Variants in HGD observed in about 807,000 individuals in gnomAD.
HGD encodes the protein homogentisate 1,2-dioxygenase, also known as homogentisate oxidase.
HGD carries 61 observed loss-of-function variants against 60.8 expected under a neutral mutation model. The observed-to-expected ratio is 1.00, with a 90% CI of 0.82 to 1.24. The LOEUF (loss-of-function observed/expected upper bound fraction) is 1.24, where lower values mean the gene tolerates loss of function less well. Ranked by LOEUF, HGD falls within the 50% of genes most tolerant of loss-of-function variation. HGD has a pLI of 0.00. For synonymous variants in HGD, 212 were observed against 187.7 expected, an observed-to-expected ratio of 1.13 and a Z score of -1.06; for missense variants, 542 against 547.1, an observed-to-expected ratio of 0.99 and a Z score of 0.09.
In HGD at chr3:120,681,776, G is replaced by T. The variant is rs138487556; in HGVS notation, c.15+321C>A. ...GCAATGGGAAGGTGTCAGAGCAGGGGTTGGGAAAAAGACATAGAGAGAAAC... is the reference window on the plus strand; with the variant it reads ...GCAATGGGAAGGTGTCAGAGCAGGGTTTGGGAAAAAGACATAGAGAGAAAC... On this transcript the variant is annotated intron_variant, in intron 1 of 13. Coordinates refer to ENST00000283871, the MANE Select transcript of HGD (RefSeq NM_000187.4). Among the ~76,000 whole-genome samples, 7 of 152,316 alleles carry T rather than the reference G, an allele frequency of 4.6e-5. No homozygotes were observed. In the East Asian group the frequency reaches 1.4e-3, roughly 29 times the overall value.
chr3:120,628,607 G>T, intron 13 of HGD, 78 bp from the exon 14 acceptor site: 3 of 1,461,724 alleles, frequency 2.1e-6, no homozygotes, highest in Admixed American at 3.4e-5. Context: ...GTCAACAGAA[G>T]GTATGGGTAG....
intron 1 of HGD, 24 bp downstream of exon 1, chr3:120,682,073 C>G (rs759567680): frequency 1.2e-6 from 2 of 1,613,226 alleles, no homozygotes; most frequent in East Asian, 2.2e-5. Flanking sequence ...GAAGCCATAG[C>G]AAACTTGTCA....
At position 120,650,805 on chromosome 3, in the gene HGD, T is replaced by C; in HGVS notation, c.403A>G (p.Ile135Val). ...IKSNNGLAIH[I>V]FLCNTSMENR... The stretch of plus-strand genomic sequence containing the variant: ...TCCATGGAGGTATTGCAGAGGAAAA[T>C]GTGGATAGCAAGCCCATTGTTAGAC... Residue 135 changes from isoleucine (I) to valine (V), a missense_variant, in exon 6 of 14, where the codon ATT becomes GTT. Physicochemically the swap from Ile to Val is conservative, Grantham distance 29. Transcript: ENST00000283871. The C allele has an allele frequency of 8.7e-6, 14 of 1,614,056 alleles. No individual in the cohort carries two copies. The highest frequency in any genetic ancestry group is 1.1e-5 in the Non-Finnish European group (13 of 1,179,932).
intron 4 of HGD, among the ~76,000 whole-genome samples, chr3:120,666,548 T>C (rs1204421573): frequency 6.6e-6 from 1 of 152,128 alleles, no homozygotes; most frequent in Non-Finnish European, 1.5e-5. Flanking sequence ...AATGGTGCAA[T>C]CTTGGCTCAC....
Position 120,628,274 on chromosome 3 carries a change from G to C in HGD, c.*106C>G. On this transcript the variant is annotated 3_prime_UTR_variant, in exon 14 of 14. Transcript: ENST00000283871. ...TCTGAGTTACTTGACTATGAAAAGTGAATTTTCATTTTAACCAACCCCCTC... is the reference window on the plus strand; with the variant it reads ...TCTGAGTTACTTGACTATGAAAAGTCAATTTTCATTTTAACCAACCCCCTC... 7.7e-7 allele frequency: 1 copy of C among 1,298,350 alleles called. No homozygotes were observed. Among genetic ancestry groups the C allele is most frequent in the Non-Finnish European group, 1.1e-6 (1 of 899,758 alleles). 80.4% of individuals were successfully genotyped at this position (1,298,350 alleles called of 1,614,324 possible).
chr3:120,659,944 G>C (rs143634896), intron 4 of HGD, among the ~76,000 whole-genome samples: 5 of 151,474 alleles, frequency 3.3e-5, no homozygotes, highest in Non-Finnish European at 4.4e-5. Flanking sequence ...AAGAGAGAGT[G>C]GGGGGTGGTT....
chr3:120,648,004 A>C, intron 6 of HGD, 93 bp from the exon 7 acceptor site: 1 of 1,034,120 alleles, frequency 9.7e-7, no homozygotes, highest in Non-Finnish European at 1.5e-6. Flanking sequence ...GTGCCTATGT[A>C]GCAAGCTCAG....
At chr3:120,656,654 C>T (rs185259920) in intron 4 of HGD, among the ~76,000 whole-genome samples, 5 of 152,036 alleles carry the variant, frequency 3.3e-5, no homozygotes, top group South Asian at 2.1e-4. Flanking sequence ...TGGGTTCAAG[C>T]GATTCTACTG....
At chr3:120,668,386 T>C (rs1162337833) in intron 4 of HGD, among the ~76,000 whole-genome samples, 2 of 152,132 alleles carry the variant, frequency 1.3e-5, no homozygotes, top group African/African-American at 2.4e-5. Flanking sequence ...CAAAGGTGTC[T>C]ATAAATTATT....
intron 1 of HGD, among the ~76,000 whole-genome samples, chr3:120,680,205 C>T (rs1708207896): frequency 6.6e-6 from 1 of 152,010 alleles, no homozygotes. Flanking sequence ...TTTTCTTACC[C>T]CAGTTGTACT....
At chr3:120,675,579 C>T (rs2733827) in intron 2 of HGD, among the ~76,000 whole-genome samples, 69,828 of 151,944 alleles carry the variant, frequency 0.46, 16,965 homozygotes, top group African/African-American at 0.61. Context: ...CAGTTAATTT[C>T]ACTAGTTTGG....
intron 3 of HGD, among the ~76,000 whole-genome samples, chr3:120,673,555 T>A (rs1455660085): frequency 6.6e-6 from 1 of 152,190 alleles, no homozygotes; most frequent in Non-Finnish European, 1.5e-5. Flanking sequence ...TATCCCCTGA[T>A]TTTTGACATG....
At chr3:120,678,248 G>A (rs919262913) in intron 1 of HGD, among the ~76,000 whole-genome samples, 3 of 152,294 alleles carry the variant, frequency 2.0e-5, no homozygotes, top group Admixed American at 1.3e-4. Flanking sequence ...TGAACCCCAT[G>A]CTCACCATCA....
intron 4 of HGD, among the ~76,000 whole-genome samples, chr3:120,667,802 TATAA>T (rs968516465): frequency 3.3e-5 from 5 of 152,226 alleles, no homozygotes; most frequent in Non-Finnish European, 7.3e-5. Context: ...TATTTTTCAT[TATAA>T]ATAAACAATA....
Position 120,644,453 on chromosome 3 carries a change from A to G in HGD, c.650-10T>C, listed in dbSNP as rs1559786885. On this transcript the variant is annotated splice_polypyrimidine_tract_variant and intron_variant, in intron 9 of 13. Transcript: ENST00000283871. Reference sequence around the variant, plus strand: ...GCCAAGCCATTGGCCCCTAGAAAACAGTAACCCAAAAGTCTTTTAGAAACT... The same window carrying G: ...GCCAAGCCATTGGCCCCTAGAAAACGGTAACCCAAAAGTCTTTTAGAAACT... The G allele has an allele frequency of 6.2e-7, 1 of 1,614,094 alleles. No homozygotes were observed. Among genetic ancestry groups the G allele is most frequent in the Non-Finnish European group, 8.5e-7 (1 of 1,179,996 alleles).
chr3:120,674,484 A>T lies in HGD; in HGVS notation c.176+417T>A, dbSNP rs1160147592. 1.9e-5 allele frequency: 4 copies of T among 213,546 alleles called. No individual in the cohort carries two copies. The Admixed American group carries it at 2.1e-4, about 11-fold the overall frequency. The allele number at this position is 213,546 out of a possible 1,614,324, so 13.2% of individuals were successfully genotyped here. A position where few individuals can be genotyped will look rare whatever the true frequency, so the allele number is the denominator to read the frequency against. On this transcript the variant is annotated intron_variant, in intron 3 of 13. Transcript: ENST00000283871. ...GTTTACCCAACATTTTCTTGCAAAG[A>T]ACATACCTCTAGTCAGCTGAGAAAG...
chr3:120,669,233 T>C (rs1486286825), intron 4 of HGD, among the ~76,000 whole-genome samples: 2 of 151,884 alleles, frequency 1.3e-5, no homozygotes, highest in Non-Finnish European at 2.9e-5. Context: ...ATTGAATGTA[T>C]TTTCTATATT....
intron 4 of HGD, among the ~76,000 whole-genome samples, chr3:120,660,405 G>A (rs1287280809): frequency 6.6e-6 from 1 of 152,104 alleles, no homozygotes; most frequent in East Asian, 1.9e-4. Context: ...TTGGAAGTTT[G>A]AGGAAAAAAA....
intron 4 of HGD, among the ~76,000 whole-genome samples, chr3:120,657,477 T>G (rs1941531341): frequency 6.6e-6 from 1 of 152,150 alleles, no homozygotes; most frequent in African/African-American, 2.4e-5. Context: ...TCCCATGGAC[T>G]CAACTAGATT....
Sources: allele counts gnomAD v4.1 joint callset (sites outside exome capture counted in the v4.1 genomes callset), GRCh38; gene constraint gnomAD v4.1.1; transcripts MANE v1.5; gene names NCBI Gene and HGNC (gene_info 2026-07-23, HGNC 2026-07-21).